The following NOB1 variants were observed in gnomAD, a reference collection of about 807,000 sequenced individuals.
NOB1 encodes the protein RNA-binding protein NOB1.
Under a neutral mutation model 44.8 loss-of-function variants are expected in NOB1, and 44 were observed. That is an observed-to-expected ratio of 0.98 (90% CI 0.77 to 1.26). The LOEUF (loss-of-function observed/expected upper bound fraction) is 1.26. Ranked by LOEUF, NOB1 falls within the 50% of genes most tolerant of loss-of-function variation. The pLI is 0.00. For synonymous variants in NOB1, 238 were observed against 218.7 expected, an observed-to-expected ratio of 1.09 and a Z score of -0.78; for missense variants, 560 against 544.8, an observed-to-expected ratio of 1.03 and a Z score of -0.28.
chr16:69,749,326 G>C lies in NOB1; in HGVS notation c.412C>G (p.Gln138Glu), dbSNP rs1185439446. 2.5e-6 allele frequency: 4 copies of C among 1,595,602 alleles called. No homozygotes were observed. The highest frequency in any genetic ancestry group is 1.4e-5 in the African/African-American group (1 of 73,656). The change falls in exon 5 of 9, where the codon CAA (glutamine) becomes GAA (glutamate). Residue 138 changes from glutamine (Q) to glutamate (E), a missense_variant. By Grantham distance (29) the Gln-to-Glu change is conservative (BLOSUM62 2). Transcript: ENST00000268802. ...GCTGAGTGTCCTTTTTCTGTTTCTTGTGGGGGTTTAGGCTGAAATTAAAAG... is the reference window on the plus strand; with the variant it reads ...GCTGAGTGTCCTTTTTCTGTTTCTTCTGGGGGTTTAGGCTGAAATTAAAAG... Reference protein sequence around the residue: ...FHLPYKPKPPQETEKGHSACE... With the variant: ...FHLPYKPKPPEETEKGHSACE...
chr16:69,747,315 AT>A (rs2038441524), intron 7 of NOB1, among the ~76,000 whole-genome samples: 1 of 151,658 alleles, frequency 6.6e-6, no homozygotes, highest in Non-Finnish European at 1.5e-5. Context: ...AGATAAGAGG[AT>A]TGCTTGAGGC....
Position 69,754,704 on chromosome 16 carries a change from G to A in NOB1, c.86C>T (p.Thr29Ile). Residue 29 changes from threonine to isoleucine, a missense_variant, in exon 2 of 9, where the codon ACC becomes ATC. Coordinates refer to ENST00000268802, the MANE Select transcript of NOB1 (RefSeq NM_014062.3). The stretch of plus-strand genomic sequence containing the variant: ...AATCTCAGTGACCACCTCCCGGATG[G>A]TGTAAATGTTCTTCCCGATGTCCTG... ...ALQDIGKNIY[T>I]IREVVTEIRD... 2 of 1,614,200 alleles carry A rather than the reference G, an allele frequency of 1.2e-6. No homozygotes were observed. The highest frequency in any genetic ancestry group is 2.2e-5 in the South Asian group (2 of 91,090).
intron 7 of NOB1, among the ~76,000 whole-genome samples, chr16:69,747,786 A>G (rs868732950): frequency 1.1e-4 from 16 of 152,152 alleles, no homozygotes; most frequent in African/African-American, 3.9e-4. Flanking sequence ...GTGGAGACGG[A>G]ACCCAGGCCC....
At chr16:69,745,228 G>C (rs2038420619) in intron 7 of NOB1, among the ~76,000 whole-genome samples, 1 of 152,230 alleles carries the variant, frequency 6.6e-6, no homozygotes, top group Non-Finnish European at 1.5e-5. Flanking sequence ...GGGCAGGTAA[G>C]GAAGTGTGCA....
chr16:69,744,701 T>C (rs1490389088), intron 8 of NOB1, among the ~76,000 whole-genome samples, 172 bp downstream of exon 8: 1 of 152,180 alleles, frequency 6.6e-6, no homozygotes, highest in African/African-American at 2.4e-5. Context: ...GAATAACCGG[T>C]CGCTTCTCAT....
rs1176615043 is a variant in NOB1, at chr16:69,749,419, T to C, written c.400-81A>G. ...AGGTCACAGATGAAATCACATATGA[T>C]ATACAAGTCAGATCAGACAGGGCTG... On this transcript the variant is annotated intron_variant, in intron 4 of 8. Coordinates refer to ENST00000268802, the MANE Select transcript of NOB1 (RefSeq NM_014062.3). The C allele has an allele frequency of 3.2e-6, 5 of 1,563,532 alleles. No homozygotes were observed. In the African/African-American group the frequency reaches 5.5e-5, roughly 17 times the overall value.
Position 69,748,249 on chromosome 16 carries a change from G to T in NOB1, c.807C>A (p.Arg269=). Residue 269 remains arginine (R), a synonymous_variant, in exon 7 of 9, where the codon CGC becomes CGA. Transcript: ENST00000268802. ...CTACATACTTGAAACAGCCATGGCA[G>T]CGCAAGATGTAGCTCCGGGCCTCAC... ...LIREARSYIL[R]CHGCFKTTSD... is the part of the protein sequence containing the mutation. 6.2e-7 allele frequency: 1 copy of T among 1,613,694 alleles called. No homozygotes were observed. The highest frequency in any genetic ancestry group is 8.5e-7 in the Non-Finnish European group (1 of 1,179,626).
chr16:69,748,831 A>AG, intron 6 of NOB1, 87 bp downstream of exon 6: 2 of 1,219,168 alleles, frequency 1.6e-6, no homozygotes, highest in Non-Finnish European at 2.3e-6. Context: ...AGCGCTGCAC[A>AG]GCACCAGTTC....
At chr16:69,753,991 G>T (rs6499251) in intron 2 of NOB1, among the ~76,000 whole-genome samples, 1 of 151,892 alleles carries the variant, frequency 6.6e-6, no homozygotes, top group Non-Finnish European at 1.5e-5. Flanking sequence ...TTTTAGTAGA[G>T]GCAGGGTTTC....
At chr16:69,745,053 C>T (rs2151752896) in intron 7 of NOB1, 36 bp from the exon 8 acceptor site, 2 of 1,609,722 alleles carry the variant, frequency 1.2e-6, no homozygotes, top group South Asian at 1.1e-5. Context: ...TGTACCAAAG[C>T]CACAGGCAGC....
At chr16:69,748,416 T>C in intron 6 of NOB1, 87 bp from the exon 7 acceptor site, 1 of 1,247,652 alleles carries the variant, frequency 8.0e-7, no homozygotes, top group Non-Finnish European at 1.1e-6. Flanking sequence ...AAACCCTGCC[T>C]TGCCCATATT....
In NOB1 at chr16:69,744,876, G is replaced by A; in HGVS notation, c.966C>T (p.Leu322=). ...RNPKVLNPRG[L]RYSLPTPKGG... ...GACTGGGAGAGGCGCCACTCACCCG[G>A]AGGCCGCGGGGGTTCAGCACCTTGG... is the stretch of plus-strand genomic sequence containing the variant. The change falls in exon 8 of 9, where the codon CTC becomes CTT. Residue 322 remains leucine, a synonymous_variant. Transcript: ENST00000268802. 1 of 1,612,772 alleles carries A rather than the reference G, an allele frequency of 6.2e-7. No homozygotes were observed. The highest frequency in any genetic ancestry group is 8.5e-7 in the Non-Finnish European group (1 of 1,179,886).
chr16:69,742,546 T>G lies in NOB1; in HGVS notation c.1025A>C (p.Glu342Ala), dbSNP rs768566151. ...GKYAINPHLTEDQRFPQLRLS... is the reference protein window; with the variant it reads ...GKYAINPHLTADQRFPQLRLS... ...TCGCAGCTGAGGGAAGCGCTGATCC[T>G]CGGTGAGATGGGGGTTGATGGCGTA... The change falls in exon 9 of 9, where the codon GAG becomes GCG. Residue 342 changes from glutamate (E) to alanine (A), a missense_variant. Transcript: ENST00000268802. 5.0e-6 allele frequency: 8 copies of G among 1,613,990 alleles called. No individual in the cohort carries two copies. The highest frequency in any genetic ancestry group is 6.8e-6 in the Non-Finnish European group (8 of 1,180,028).
Position 69,748,953 on chromosome 16 carries a change from G to A in NOB1, c.691C>T (p.Arg231Trp), listed in dbSNP as rs370794024. ...LEQCDVPEDVRVGCLTTDFAM... is the reference protein window; with the variant it reads ...LEQCDVPEDVWVGCLTTDFAM... ...AAGTCTGTGGTCAGGCAGCCAACCC[G>A]CACGTCCTCGGGGACGTCACACTGC... The change falls in exon 6 of 9, where the codon CGG (arginine) becomes TGG (tryptophan). Residue 231 changes from arginine (R) to tryptophan (W), a missense_variant. Coordinates refer to ENST00000268802, the MANE Select transcript of NOB1 (RefSeq NM_014062.3). 14 of 1,612,442 alleles carry A rather than the reference G, an allele frequency of 8.7e-6. No homozygotes were observed. Among genetic ancestry groups the A allele is most frequent in the African/African-American group, 6.7e-5 (5 of 74,928 alleles).
At chr16:69,751,325 T>C (rs930481472) in intron 3 of NOB1, among the ~76,000 whole-genome samples, 1 of 151,420 alleles carries the variant, frequency 6.6e-6, no homozygotes, top group East Asian at 1.9e-4. Flanking sequence ...GTTCTTTTTT[T>C]TAAAAAAATT....
intron 4 of NOB1, 67 bp from the exon 5 acceptor site, chr16:69,749,405 G>A (rs2038463421): frequency 4.5e-6 from 7 of 1,571,990 alleles, no homozygotes; most frequent in Non-Finnish European, 4.3e-6. Flanking sequence ...GGTCACAGAT[G>A]AAATCACATA....
chr16:69,748,115 A>C (rs571814708), intron 7 of NOB1, 117 bp downstream of exon 7: 1 of 688,976 alleles, frequency 1.5e-6, no homozygotes, highest in African/African-American at 1.8e-5. Context: ...CAGTGAGCTG[A>C]GATTGTACCA....
At position 69,749,353 on chromosome 16, in the gene NOB1, A is replaced by C. The variant is rs2038463079; in HGVS notation, c.400-15T>G. 6.3e-7 allele frequency: 1 copy of C among 1,579,228 alleles called. No homozygotes were observed. The highest frequency in any genetic ancestry group is 1.4e-5 in the African/African-American group (1 of 72,722). ...GGGGGTTTAGGCTGAAATTAAAAGA[A>C]ACAATTTTAAAACCTGAAAATTCAT... On this transcript the variant is annotated splice_polypyrimidine_tract_variant and intron_variant, in intron 4 of 8. Transcript: ENST00000268802.
intron 3 of NOB1, among the ~76,000 whole-genome samples, chr16:69,751,054 T>C (rs2038478611): frequency 6.6e-6 from 1 of 152,180 alleles, no homozygotes; most frequent in Admixed American, 6.5e-5. Context: ...AAAAAACACT[T>C]GCAAGTACTT....
Sources: allele counts gnomAD v4.1 joint callset (sites outside exome capture counted in the v4.1 genomes callset), GRCh38; gene constraint gnomAD v4.1.1; transcripts MANE v1.5; gene names NCBI Gene and HGNC (gene_info 2026-07-23, HGNC 2026-07-21).